SPAST: variants seen among roughly 807,000 people sequenced by gnomAD.
SPAST encodes spastic paraplegia 4 (autosomal dominant; spastin).
Under a neutral mutation model 76.6 loss-of-function variants are expected in SPAST, and 30 were observed. The ratio of observed to expected loss-of-function variants is 0.39; its 90% CI spans 0.29 to 0.53. The LOEUF (loss-of-function observed/expected upper bound fraction) is 0.53. Among genes scored for constraint, SPAST ranks in the 20% least tolerant of loss-of-function variants. The pLI is 0.68. For synonymous variants in SPAST, 305 were observed against 281.0 expected, an observed-to-expected ratio of 1.09 and a Z score of -0.86; for missense variants, 717 against 770.5, an observed-to-expected ratio of 0.93 and a Z score of 0.82.
intron 1 of SPAST, among the ~76,000 whole-genome samples, chr2:32,067,432 A>G (rs1025018922): frequency 6.6e-6 from 1 of 152,152 alleles, no homozygotes; most frequent in African/African-American, 2.4e-5. Context: ...AAATTAAGGA[A>G]AACCTAGGCA....
chr2:32,065,606 C>T (rs1028902154), intron 1 of SPAST, among the ~76,000 whole-genome samples: 2 of 152,120 alleles, frequency 1.3e-5, no homozygotes, highest in Non-Finnish European at 2.9e-5. Flanking sequence ...CAATTCTCCC[C>T]TTTTATCCTT....
At chr2:32,135,443 C>T (rs945601676) in intron 9 of SPAST, among the ~76,000 whole-genome samples, 15 of 151,956 alleles carry the variant, frequency 9.9e-5, no homozygotes, top group Non-Finnish European at 7.4e-5. Context: ...ATATTTGTTT[C>T]GATTATTCTA....
chr2:32,134,261 G>A (rs1356786426), intron 9 of SPAST, among the ~76,000 whole-genome samples: 1 of 152,076 alleles, frequency 6.6e-6, no homozygotes, highest in Non-Finnish European at 1.5e-5. Flanking sequence ...CCAGCACTTT[G>A]GGAGGCCGAG....
intron 2 of SPAST, among the ~76,000 whole-genome samples, chr2:32,088,033 G>A: frequency 6.6e-6 from 1 of 151,858 alleles, no homozygotes; most frequent in East Asian, 1.9e-4. Context: ...GATTACAGGT[G>A]CATGCCACCG....
At chr2:32,086,941 G>A (rs1677506420) in intron 1 of SPAST, among the ~76,000 whole-genome samples, 3 of 152,130 alleles carry the variant, frequency 2.0e-5, no homozygotes, top group South Asian at 4.1e-4. Context: ...AGCTTAACTT[G>A]TATCAGGAAT....
At chr2:32,099,366 A>G (rs1678035088) in intron 4 of SPAST, among the ~76,000 whole-genome samples, 1 of 152,192 alleles carries the variant, frequency 6.6e-6, no homozygotes, top group Non-Finnish European at 1.5e-5. Flanking sequence ...TAGTGAGGAG[A>G]AACATTACAG....
intron 1 of SPAST, among the ~76,000 whole-genome samples, chr2:32,079,084 G>T (rs1200110162): frequency 6.6e-6 from 1 of 151,884 alleles, no homozygotes; most frequent in Non-Finnish European, 1.5e-5. Flanking sequence ...CAAGTGACCC[G>T]CCCACCTCAG....
At chr2:32,121,952 T>TGAAA (rs1379324710) in intron 7 of SPAST, among the ~76,000 whole-genome samples, 15 of 152,238 alleles carry the variant, frequency 9.9e-5, no homozygotes, top group Non-Finnish European at 1.6e-4. Context: ...CTCTTTTCTT[T>TGAAA]TTGCCTTAAG....
At chr2:32,134,563 C>G (rs1190842901) in intron 9 of SPAST, among the ~76,000 whole-genome samples, 1 of 152,116 alleles carries the variant, frequency 6.6e-6, no homozygotes, top group African/African-American at 2.4e-5. Context: ...TTCGGCCTCC[C>G]AAAGTGCTAG....
At chr2:32,082,710 C>T (rs1392229036) in intron 1 of SPAST, among the ~76,000 whole-genome samples, 2 of 151,760 alleles carry the variant, frequency 1.3e-5, no homozygotes, top group African/African-American at 4.8e-5. Context: ...AAAAAAAAAT[C>T]AGATCTGTCC....
intron 1 of SPAST, among the ~76,000 whole-genome samples, chr2:32,068,995 T>C (rs1207372954): frequency 6.6e-6 from 1 of 151,908 alleles, no homozygotes; most frequent in Non-Finnish European, 1.5e-5. Flanking sequence ...GGATCACTTG[T>C]AGTCAGAAGT....
chr2:32,126,917 A>G (rs1679211551), intron 7 of SPAST, 31 bp from the exon 8 acceptor site: 1 of 1,460,852 alleles, frequency 6.8e-7, no homozygotes. Flanking sequence ...CTCTAGAATC[A>G]TAGTTGTAAA....
At chr2:32,152,062 C>T (rs1261079006) in intron 16 of SPAST, among the ~76,000 whole-genome samples, 1 of 151,828 alleles carries the variant, frequency 6.6e-6, no homozygotes, top group African/African-American at 2.4e-5. Flanking sequence ...TTTTTAAGTA[C>T]CTTGTGTATC....
chr2:32,150,200 G>C (rs956781144), intron 16 of SPAST, among the ~76,000 whole-genome samples: 2 of 146,522 alleles, frequency 1.4e-5, no homozygotes, highest in African/African-American at 5.0e-5. Flanking sequence ...AGCCTCCCGA[G>C]TAGCTGGGAC....
chr2:32,120,572 C>CTTTT (rs36066356), intron 7 of SPAST, among the ~76,000 whole-genome samples: 1 of 131,196 alleles, frequency 7.6e-6, no homozygotes, highest in Non-Finnish European at 1.6e-5. Context: ...TAACTCAGGT[C>CTTTT]TTTTTTTTTT....
intron 13 of SPAST, 118 bp downstream of exon 13, chr2:32,142,064 C>T (rs1028485897): frequency 2.2e-5 from 18 of 830,232 alleles, no homozygotes; most frequent in Non-Finnish European, 3.6e-5. Context: ...TTAGTGGTTT[C>T]TTAAAAAGAT....
At chr2:32,135,642 G>C (rs1376065225) in intron 9 of SPAST, among the ~76,000 whole-genome samples, 1 of 151,696 alleles carries the variant, frequency 6.6e-6, no homozygotes, top group Admixed American at 6.6e-5. Context: ...TGACCTTCTG[G>C]ACTATCTGGA....
At chr2:32,152,295 T>C (rs996207314) in intron 16 of SPAST, among the ~76,000 whole-genome samples, 1 of 152,060 alleles carries the variant, frequency 6.6e-6, no homozygotes, top group African/African-American at 2.4e-5. Flanking sequence ...TGGCCAGGCG[T>C]GGTTGTTCAT....
intron 12 of SPAST, among the ~76,000 whole-genome samples, chr2:32,140,178 G>C (rs1331785699): frequency 2.0e-5 from 3 of 151,982 alleles, no homozygotes; most frequent in African/African-American, 4.8e-5. Flanking sequence ...TCCCAAGCCT[G>C]TTGCCTTTAT....
Sources: allele counts gnomAD v4.1 joint callset (sites outside exome capture counted in the v4.1 genomes callset), GRCh38; gene constraint gnomAD v4.1.1; transcripts MANE v1.5; gene names NCBI Gene and HGNC (gene_info 2026-07-23, HGNC 2026-07-21).